The following ACER1 variants were observed in gnomAD, a reference collection of about 807,000 sequenced individuals.
The protein encoded by ACER1 is alkaline ceramidase 1.
ACER1 carries 28 observed loss-of-function variants against 24.9 expected under a neutral mutation model. That is an observed-to-expected ratio of 1.13 (90% CI 0.83 to 1.54). The LOEUF is 1.54. Ranked by LOEUF, ACER1 falls within the 40% of genes most tolerant of loss-of-function variation. The probability of loss-of-function intolerance (pLI) is 0.00; values close to 1 mark genes in which losing one functional copy is unlikely to be tolerated. For missense variants in ACER1, 352 were observed against 349.3 expected, an observed-to-expected ratio of 1.01 and a Z score of -0.06; for synonymous variants, 132 against 131.4, an observed-to-expected ratio of 1.00 and a Z score of -0.03.
intron 1 of ACER1, among the ~76,000 whole-genome samples, chr19:6,317,937 T>C (rs566505489): frequency 6.6e-6 from 1 of 151,988 alleles, no homozygotes; most frequent in Non-Finnish European, 1.5e-5. Flanking sequence ...GTATTTTTAG[T>C]AGAGGCAGGG....
chr19:6,322,431 C>T (rs1982082), intron 1 of ACER1, among the ~76,000 whole-genome samples: 98,754 of 151,864 alleles, frequency 0.65, 32,893 homozygotes, highest in African/African-American at 0.81. Flanking sequence ...AGCACATCTT[C>T]TTCTTCTCTT....
At chr19:6,351,548 T>C in the ACER1 span, among the ~76,000 whole-genome samples, 1 of 140,706 alleles carries the variant, frequency 7.1e-6, no homozygotes, top group Non-Finnish European at 1.5e-5. Context: ...CTGGACAACA[T>C]AGCAAGACCC....
the ACER1 span, chr19:6,353,566 C>T: frequency 2.0e-5 from 3 of 152,174 alleles, no homozygotes; most frequent in Non-Finnish European, 4.4e-5. Context: ...TGGCTCACAC[C>T]TGTAATCCCA....
chr19:6,317,722 G>A (rs1436198068), intron 1 of ACER1, among the ~76,000 whole-genome samples: 1 of 151,772 alleles, frequency 6.6e-6, no homozygotes, highest in East Asian at 1.9e-4. Context: ...TTTTTTTGTT[G>A]TTGTTTTGTT....
chr19:6,312,823 G>A (rs888882641), intron 1 of ACER1, among the ~76,000 whole-genome samples: 3 of 151,144 alleles, frequency 2.0e-5, no homozygotes, highest in South Asian at 2.1e-4. Context: ...TTAAAGGCAC[G>A]TGCCACCACG....
chr19:6,311,719 C>G (rs1251608477), intron 3 of ACER1, among the ~76,000 whole-genome samples: 2 of 151,822 alleles, frequency 1.3e-5, no homozygotes, highest in African/African-American at 4.8e-5. Flanking sequence ...GAGATTATTT[C>G]ACAGGGGTCA....
chr19:6,322,119 T>C (rs1444386191), intron 1 of ACER1, among the ~76,000 whole-genome samples: 2 of 152,230 alleles, frequency 1.3e-5, no homozygotes, highest in South Asian at 2.1e-4. Flanking sequence ...CTATCTTGCC[T>C]GGGAGTATCA....
chr19:6,352,345 C>G, the ACER1 span, among the ~76,000 whole-genome samples: 15 of 152,296 alleles, frequency 9.8e-5, no homozygotes, highest in African/African-American at 3.6e-4. Context: ...TGCTAACTCT[C>G]TCTGAAGTCA....
chr19:6,323,803 T>C (rs1363458445), intron 1 of ACER1, among the ~76,000 whole-genome samples: 1 of 152,112 alleles, frequency 6.6e-6, no homozygotes, highest in South Asian at 2.1e-4. Flanking sequence ...GAGGCATGAG[T>C]GGATCTCACA....
At chr19:6,342,261 T>A in the ACER1 span, among the ~76,000 whole-genome samples, 1 of 127,384 alleles carries the variant, frequency 7.9e-6, no homozygotes, top group South Asian at 2.3e-4. Context: ...CCTAGTTCTT[T>A]TTTTTTTTTT....
intron 1 of ACER1, among the ~76,000 whole-genome samples, chr19:6,325,513 C>G (rs2091656709): frequency 6.6e-6 from 1 of 152,078 alleles, no homozygotes; most frequent in African/African-American, 2.4e-5. Context: ...AATTAGCCAG[C>G]CATGGTGGCA....
intron 1 of ACER1, among the ~76,000 whole-genome samples, chr19:6,325,814 C>G (rs2091658320): frequency 6.6e-6 from 1 of 151,108 alleles, no homozygotes; most frequent in African/African-American, 2.4e-5. Context: ...GAGCTATGAT[C>G]ACACCGCTGT....
In ACER1 at chr19:6,306,816, A is replaced by G. The variant is rs746241168; in HGVS notation, c.693T>C (p.Tyr231=). Residue 231 remains tyrosine, a synonymous_variant, in exon 6 of 6, where the codon TAT becomes TAC. Coordinates refer to ENST00000301452, the MANE Select transcript of ACER1 (RefSeq NM_133492.3). ...MVTMALVDAN[Y]EMPGETLKVR... is the part of the protein sequence containing the mutation. ...CTTTGAGGGTTTCACCTGGCATCTC[A>G]TAGTTGGCATCCACCAAGGCCATGG... The G allele has an allele frequency of 2.0e-5, 32 of 1,613,506 alleles. No individual in the cohort carries two copies. The East Asian group carries it at 7.1e-4, about 36-fold the overall frequency.
At chr19:6,339,812 G>A in the ACER1 span, among the ~76,000 whole-genome samples, 13 of 151,776 alleles carry the variant, frequency 8.6e-5, no homozygotes, top group Non-Finnish European at 1.9e-4. Flanking sequence ...ACAGGCGCCC[G>A]CCACCACACC....
At chr19:6,336,819 CAAAAAA>C (rs57500077), upstream of ACER1, among the ~76,000 whole-genome samples, 3 of 67,772 alleles carry the variant, frequency 4.4e-5, no homozygotes, top group Admixed American at 3.6e-4. Flanking sequence ...GACCCCGACT[CAAAAAA>C]AAAAAAAAAA....
chr19:6,306,935 G>A (rs924989442), intron 5 of ACER1, 53 bp from the exon 6 acceptor site: 17 of 1,568,364 alleles, frequency 1.1e-5, no homozygotes, highest in African/African-American at 9.5e-5. Context: ...ACAGCCTCAC[G>A]CCGGCCCTCT....
the ACER1 span, among the ~76,000 whole-genome samples, chr19:6,347,109 A>AAAAAAAATATATATATAT: frequency 1.8e-4 from 20 of 113,772 alleles, no homozygotes; most frequent in African/African-American, 9.6e-4. Context: ...AAAAAAAAAA[A>AAAAAAAATATATATATAT]ATATATATAT....
At chr19:6,312,608 C>A in intron 1 of ACER1, 109 bp from the exon 2 acceptor site, 1 of 766,082 alleles carries the variant, frequency 1.3e-6, no homozygotes. Context: ...TGCTGCATTT[C>A]AGGCAATGCA....
intron 1 of ACER1, among the ~76,000 whole-genome samples, chr19:6,332,608 T>G (rs1398342569): frequency 6.6e-6 from 1 of 152,014 alleles, no homozygotes; most frequent in African/African-American, 2.4e-5. Flanking sequence ...ATGTGGTGTT[T>G]TAACAGGGAA....
Sources: gnomAD v4.1 joint callset for allele counts (sites outside exome capture counted in the v4.1 genomes callset) on GRCh38, gnomAD v4.1.1 for gene constraint, MANE v1.5 for transcripts, NCBI Gene and HGNC (gene_info 2026-07-23, HGNC 2026-07-21) for gene names.